KCNAB1: variants seen among roughly 807,000 people sequenced by gnomAD.
KCNAB1 encodes voltage-gated potassium channel subunit beta-1.
In KCNAB1, 35 loss-of-function variants were observed where a neutral mutation model predicts 64.6. That is an observed-to-expected ratio of 0.54 (90% CI 0.41 to 0.72). The LOEUF (loss-of-function observed/expected upper bound fraction) is 0.72, where lower values mean the gene tolerates loss of function less well. Among genes scored for constraint, KCNAB1 ranks in the 30% least tolerant of loss-of-function variants. The probability of loss-of-function intolerance (pLI) is 0.00; values close to 1 mark genes in which losing one functional copy is unlikely to be tolerated. For synonymous variants in KCNAB1, 177 were observed against 183.8 expected, an observed-to-expected ratio of 0.96 and a Z score of 0.30; for missense variants, 401 against 512.9, an observed-to-expected ratio of 0.78 and a Z score of 2.11.
chr3:156,166,645 A>G (rs1332391800), intron 1 of KCNAB1, among the ~76,000 whole-genome samples: 1 of 152,158 alleles, frequency 6.6e-6, no homozygotes, highest in Non-Finnish European at 1.5e-5. Flanking sequence ...TACATCTTTT[A>G]AAGCATTTCC....
At chr3:156,307,884 C>G (rs898403768) in intron 1 of KCNAB1, among the ~76,000 whole-genome samples, 3 of 152,194 alleles carry the variant, frequency 2.0e-5, no homozygotes, top group Admixed American at 2.0e-4. Flanking sequence ...GATTTGGAGT[C>G]AGTTGATTCA....
intron 1 of KCNAB1, among the ~76,000 whole-genome samples, chr3:156,338,303 C>CTTT (rs34671816): frequency 0.018 from 699 of 39,450 alleles, 157 homozygotes; most frequent in African/African-American, 0.056. Flanking sequence ...GGCATTTGCA[C>CTTT]TTTTTTTTTT....
intron 8 of KCNAB1, among the ~76,000 whole-genome samples, chr3:156,505,230 A>T (rs1475348761): frequency 6.6e-6 from 1 of 152,060 alleles, no homozygotes; most frequent in Non-Finnish European, 1.5e-5. Context: ...AAATATGTGA[A>T]TTTATTTCTA....
chr3:156,532,532 C>T (rs1464908216), intron 13 of KCNAB1, among the ~76,000 whole-genome samples: 1 of 152,226 alleles, frequency 6.6e-6, no homozygotes, highest in African/African-American at 2.4e-5. Flanking sequence ...AGCCCTGTTA[C>T]CATTCCCAAA....
chr3:156,338,202 G>A (rs1723843966), intron 1 of KCNAB1, among the ~76,000 whole-genome samples: 1 of 150,502 alleles, frequency 6.6e-6, no homozygotes, highest in South Asian at 2.1e-4. Flanking sequence ...CAAAGGTTTT[G>A]CATATGGAGA....
chr3:156,161,984 G>C (rs577397161), intron 1 of KCNAB1, among the ~76,000 whole-genome samples: 2 of 152,148 alleles, frequency 1.3e-5, no homozygotes, highest in African/African-American at 4.8e-5. Flanking sequence ...AACCAAAACC[G>C]AAAACTACTC....
At chr3:156,125,305 A>G (rs1370941946) in intron 1 of KCNAB1, among the ~76,000 whole-genome samples, 1 of 152,172 alleles carries the variant, frequency 6.6e-6, no homozygotes, top group Non-Finnish European at 1.5e-5. Context: ...TGACTCCAAA[A>G]ATCCCCAACA....
chr3:156,225,404 A>G (rs1196449816), intron 1 of KCNAB1, among the ~76,000 whole-genome samples: 1 of 152,226 alleles, frequency 6.6e-6, no homozygotes, highest in East Asian at 1.9e-4. Flanking sequence ...CAAAATCGGC[A>G]TAGAAGGGAC....
chr3:156,150,656 G>A (rs778738978), intron 1 of KCNAB1, among the ~76,000 whole-genome samples: 6 of 152,168 alleles, frequency 3.9e-5, no homozygotes, highest in Non-Finnish European at 5.9e-5. Context: ...GTGCCTTTGA[G>A]TGCCACTGGG....
In KCNAB1 at chr3:156,457,440, T is replaced by C; in HGVS notation, c.358-13T>C. 1 of 1,613,616 alleles carries C rather than the reference T, an allele frequency of 6.2e-7. No homozygotes were observed. Among genetic ancestry groups the C allele is most frequent in the Non-Finnish European group, 8.5e-7 (1 of 1,179,680 alleles). On this transcript the variant is annotated splice_polypyrimidine_tract_variant and intron_variant, in intron 3 of 13. Coordinates refer to ENST00000490337, the MANE Select transcript of KCNAB1 (RefSeq NM_172160.3). ...ATTTGGCTTTTCTGAGTGACCTTTC[T>C]CTCCCCTTGCAGGTTGCTGAACGGC...
intron 1 of KCNAB1, among the ~76,000 whole-genome samples, chr3:156,234,836 A>G (rs893785135): frequency 6.6e-6 from 1 of 152,230 alleles, no homozygotes; most frequent in African/African-American, 2.4e-5. Flanking sequence ...GACTCCTGAT[A>G]TCTTCACTCA....
intron 8 of KCNAB1, among the ~76,000 whole-genome samples, chr3:156,511,981 A>G (rs2108386811): frequency 6.6e-6 from 1 of 152,064 alleles, no homozygotes; most frequent in East Asian, 1.9e-4. Flanking sequence ...ATGCTCTTCC[A>G]CTGTTCTTCA....
intron 1 of KCNAB1, among the ~76,000 whole-genome samples, chr3:156,142,783 G>A (rs1560105344): frequency 6.6e-6 from 1 of 152,056 alleles, no homozygotes; most frequent in Non-Finnish European, 1.5e-5. Flanking sequence ...AGGCTTTATG[G>A]TCCTTATAAA....
chr3:156,377,739 CTT>C (rs1421202057), intron 1 of KCNAB1, among the ~76,000 whole-genome samples: 1 of 152,072 alleles, frequency 6.6e-6, no homozygotes, highest in Non-Finnish European at 1.5e-5. Context: ...GCTAAGAAAA[CTT>C]TATCCAAGCC....
At chr3:156,223,143 C>T (rs994448061) in intron 1 of KCNAB1, among the ~76,000 whole-genome samples, 1 of 152,142 alleles carries the variant, frequency 6.6e-6, no homozygotes, top group Non-Finnish European at 1.5e-5. Flanking sequence ...GAGTTTCTTC[C>T]TTCTGGTGGG....
chr3:156,151,338 C>G (rs1577643896), intron 1 of KCNAB1, among the ~76,000 whole-genome samples: 1 of 152,302 alleles, frequency 6.6e-6, no homozygotes, highest in East Asian at 1.9e-4. Flanking sequence ...CCAACTAATT[C>G]TCCCTAAGTT....
intron 1 of KCNAB1, among the ~76,000 whole-genome samples, chr3:156,284,316 C>G (rs1719946573): frequency 2.6e-5 from 4 of 152,204 alleles, no homozygotes; most frequent in African/African-American, 9.6e-5. Context: ...AGGAGGCAGT[C>G]TGCCCGTTCT....
At chr3:156,327,438 T>A (rs1723035983) in intron 1 of KCNAB1, among the ~76,000 whole-genome samples, 1 of 152,184 alleles carries the variant, frequency 6.6e-6, no homozygotes, top group African/African-American at 2.4e-5. Context: ...ATTAGCATCA[T>A]ACTTTGAGAA....
intron 1 of KCNAB1, among the ~76,000 whole-genome samples, chr3:156,160,301 A>G (rs1715999315): frequency 6.6e-6 from 1 of 152,234 alleles, no homozygotes; most frequent in African/African-American, 2.4e-5. Flanking sequence ...CTTTCTGAAC[A>G]TTGACTTGTT....
Sources: gnomAD v4.1 joint callset for allele counts (sites outside exome capture counted in the v4.1 genomes callset) on GRCh38, gnomAD v4.1.1 for gene constraint, MANE v1.5 for transcripts, NCBI Gene and HGNC (gene_info 2026-07-23, HGNC 2026-07-21) for gene names.